The following SLC24A3 variants were observed in gnomAD, a reference collection of about 807,000 sequenced individuals.
The protein encoded by SLC24A3 is sodium/potassium/calcium exchanger 3.
SLC24A3 carries 28 observed loss-of-function variants against 75.8 expected under a neutral mutation model. That is an observed-to-expected ratio of 0.37 (90% confidence interval 0.27 to 0.51). The LOEUF is 0.51. Ranked by LOEUF, SLC24A3 falls within the 20% of genes least tolerant of loss-of-function variation. The pLI, the probability that SLC24A3 is intolerant of heterozygous loss-of-function variation, is 0.94. For missense variants in SLC24A3, 663 were observed against 847.8 expected (o/e 0.78, Z 2.71); for synonymous variants, 372 against 334.1 (o/e 1.11, Z -1.24).
At chr20:19,502,710 T>C (rs1988401953) in intron 2 of SLC24A3, among the ~76,000 whole-genome samples, 1 of 151,754 alleles carries the variant, frequency 6.6e-6, no homozygotes, top group East Asian at 1.9e-4. Flanking sequence ...TGAGCCACCA[T>C]CCATGAAGTC....
intron 2 of SLC24A3, among the ~76,000 whole-genome samples, chr20:19,318,287 CTCTCAGTG>C (rs1307053053): frequency 2.0e-5 from 3 of 152,208 alleles, no homozygotes; most frequent in Admixed American, 6.5e-5. Flanking sequence ...AAATACATTA[CTCTCAGTG>C]TCTGTTCAGT....
intron 15 of SLC24A3, among the ~76,000 whole-genome samples, chr20:19,713,308 C>T (rs1006383678): frequency 8.5e-5 from 13 of 152,210 alleles, no homozygotes. Flanking sequence ...ACTTCCATAG[C>T]AGCATGCTGG....
rs568981272 is a variant in SLC24A3, at chr20:19,649,420, A to G, written c.613-4642A>G. The stretch of plus-strand genomic sequence containing the variant: ...AAATGGACAGGTAGTTTCAGTGTTT[A>G]TTTAACTGATTCTCTCCCTCCTAGA... On this transcript the variant is annotated intron_variant, in intron 6 of 16. Coordinates refer to ENST00000328041, the MANE Select transcript of SLC24A3 (RefSeq NM_020689.4). 2.1e-4 allele frequency among the ~76,000 whole-genome samples: 32 copies of G among 152,342 alleles called. No homozygotes were observed. The South Asian group carries it at 5.0e-3, about 24-fold the overall frequency.
chr20:19,581,625 TG>T (rs2031219718), intron 4 of SLC24A3, among the ~76,000 whole-genome samples: 1 of 152,296 alleles, frequency 6.6e-6, no homozygotes, highest in South Asian at 2.1e-4. Flanking sequence ...CGCTAAACAG[TG>T]TGGTGTGACT....
chr20:19,306,548 C>T (rs1371255881), intron 2 of SLC24A3, among the ~76,000 whole-genome samples: 1 of 152,104 alleles, frequency 6.6e-6, no homozygotes, highest in Non-Finnish European at 1.5e-5. Flanking sequence ...ATGTTCTTTG[C>T]AGCAATATGA....
chr20:19,213,165 G>C, intron 1 of SLC24A3, 181 bp downstream of exon 1: 1 of 656,386 alleles, frequency 1.5e-6, no homozygotes, highest in South Asian at 7.7e-5. Flanking sequence ...GAGGCATGGA[G>C]GTGGGGACCC....
chr20:19,408,550 C>T (rs368385344), intron 2 of SLC24A3, among the ~76,000 whole-genome samples: 38 of 152,114 alleles, frequency 2.5e-4, no homozygotes, highest in African/African-American at 7.5e-4. Flanking sequence ...CCACTACTCC[C>T]GGCTAATTTT....
intron 3 of SLC24A3, among the ~76,000 whole-genome samples, chr20:19,549,427 A>T (rs2030655634): frequency 6.6e-6 from 1 of 152,232 alleles, no homozygotes; most frequent in South Asian, 2.1e-4. Context: ...CATTTTTTAA[A>T]TGTCAACATA....
intron 2 of SLC24A3, among the ~76,000 whole-genome samples, chr20:19,479,383 C>A (rs1988015404): frequency 6.6e-6 from 1 of 152,274 alleles, no homozygotes; most frequent in Non-Finnish European, 1.5e-5. Context: ...TCTAGACTGG[C>A]TTTCCTGACA....
chr20:19,667,586 A>C (rs2032414707), intron 8 of SLC24A3, among the ~76,000 whole-genome samples: 1 of 152,186 alleles, frequency 6.6e-6, no homozygotes, highest in South Asian at 2.1e-4. Context: ...TGATCTCAGA[A>C]ATGTGTGTGC....
In SLC24A3 at chr20:19,649,111, T is replaced by G. The variant is rs149201916; in HGVS notation, c.613-4951T>G. ...TTGCAAAGGGCTACAGAAGGTGACCTGTCTTCTCATCAACCTACTGTGGCT... is the reference window on the plus strand; with the variant it reads ...TTGCAAAGGGCTACAGAAGGTGACCGGTCTTCTCATCAACCTACTGTGGCT... On this transcript the variant is annotated intron_variant, in intron 6 of 16. Transcript: ENST00000328041. 5.1e-3 allele frequency among the ~76,000 whole-genome samples: 784 copies of G among 152,358 alleles called. 6 individuals carry two copies. Among genetic ancestry groups the G allele is most frequent in the African/African-American group, 0.016 (683 of 41,582 alleles).
chr20:19,286,752 A>G lies in SLC24A3; in HGVS notation c.271+5665A>G, dbSNP rs1013704405. ...TAAATTTTCTATTAGCTACATTACA[A>G]AAGTACAAAGAAACAGGTGAAATTA... On this transcript the variant is annotated intron_variant, in intron 2 of 16. Coordinates refer to ENST00000328041, the MANE Select transcript of SLC24A3 (RefSeq NM_020689.4). Among the ~76,000 whole-genome samples, 9 of 152,244 alleles carry G rather than the reference A, an allele frequency of 5.9e-5. No individual in the cohort carries two copies. The South Asian group carries it at 1.0e-3, about 17-fold the overall frequency.
intron 2 of SLC24A3, among the ~76,000 whole-genome samples, chr20:19,501,484 G>A (rs908111628): frequency 6.6e-6 from 1 of 152,116 alleles, no homozygotes; most frequent in Non-Finnish European, 1.5e-5. Context: ...TCAATTTGGC[G>A]ACTTCACATG....
intron 7 of SLC24A3, among the ~76,000 whole-genome samples, chr20:19,656,098 G>T (rs2032262364): frequency 6.6e-6 from 1 of 152,082 alleles, no homozygotes; most frequent in Non-Finnish European, 1.5e-5. Context: ...TTATTTTATT[G>T]TAAGTCTTTA....
intron 7 of SLC24A3, among the ~76,000 whole-genome samples, chr20:19,654,938 C>T (rs6046228): frequency 0.6 from 90,942 of 151,944 alleles, 27,504 homozygotes; most frequent in Non-Finnish European, 0.64. Flanking sequence ...TGAGCCACAG[C>T]ACCCAGTCCC....
At chr20:19,336,327 A>C (rs919626762) in intron 2 of SLC24A3, among the ~76,000 whole-genome samples, 3 of 152,228 alleles carry the variant, frequency 2.0e-5, no homozygotes, top group Non-Finnish European at 1.5e-5. Context: ...TGACCTGCCA[A>C]GCCTAAAAGA....
intron 3 of SLC24A3, among the ~76,000 whole-genome samples, chr20:19,573,204 A>G (rs1182500259): frequency 6.6e-6 from 1 of 152,136 alleles, no homozygotes; most frequent in African/African-American, 2.4e-5. Flanking sequence ...ATTCAAATAC[A>G]TTTGCCCTCA....
chr20:19,341,777 A>G (rs1387877341), intron 2 of SLC24A3, among the ~76,000 whole-genome samples: 3 of 152,126 alleles, frequency 2.0e-5, no homozygotes, highest in Non-Finnish European at 2.9e-5. Flanking sequence ...TCATTCTGCA[A>G]ATGAAGAAGT....
At chr20:19,407,487 G>T (rs1160061805) in intron 2 of SLC24A3, among the ~76,000 whole-genome samples, 2 of 152,164 alleles carry the variant, frequency 1.3e-5, no homozygotes, top group African/African-American at 2.4e-5. Context: ...ACACAGAGGA[G>T]GGAAAATAAC....
Sources: gnomAD v4.1 joint callset for allele counts (sites outside exome capture counted in the v4.1 genomes callset) on GRCh38, gnomAD v4.1.1 for gene constraint, MANE v1.5 for transcripts, NCBI Gene and HGNC (gene_info 2026-07-23, HGNC 2026-07-21) for gene names.